The following FBXO31 variants were observed in gnomAD, a reference collection of about 807,000 sequenced individuals.
The protein encoded by FBXO31 is F-box only protein 31.
FBXO31 carries 24 observed loss-of-function variants against 54.4 expected under a neutral mutation model. The ratio of observed to expected loss-of-function variants is 0.44; its 90% CI spans 0.32 to 0.62. FBXO31 has a LOEUF of 0.62. Among genes scored for constraint, FBXO31 ranks in the 20% least tolerant of loss-of-function variants. The pLI is 0.05. For missense variants in FBXO31, 665 were observed against 787.1 expected (o/e 0.84, Z 1.86); for synonymous variants, 388 against 335.6 (o/e 1.16, Z -1.71).
intron 1 of FBXO31, among the ~76,000 whole-genome samples, chr16:87,376,081 C>T (rs920690044): frequency 1.3e-5 from 2 of 152,080 alleles, no homozygotes; most frequent in African/African-American, 4.8e-5. Flanking sequence ...AGTGTATTCC[C>T]CCTGCCCTCC....
intron 1 of FBXO31, among the ~76,000 whole-genome samples, chr16:87,365,037 A>ATATATATATCTATCTATC (rs1489132121): frequency 9.4e-6 from 1 of 106,888 alleles, no homozygotes; most frequent in African/African-American, 3.5e-5. Flanking sequence ...ATATATATAT[A>ATATATATATCTATCTATC]TATCAGGCAG....
intron 1 of FBXO31, among the ~76,000 whole-genome samples, chr16:87,361,429 T>C (rs889358549): frequency 6.6e-6 from 1 of 152,012 alleles, no homozygotes; most frequent in African/African-American, 2.4e-5. Flanking sequence ...GGTCTCCACA[T>C]GGACCACTGC....
upstream of FBXO31, among the ~76,000 whole-genome samples, chr16:87,390,766 T>C (rs1161835656): frequency 1.3e-5 from 2 of 152,092 alleles, no homozygotes. Context: ...ATACTTTTTT[T>C]CTTCTTTTTT....
intron 1 of FBXO31, among the ~76,000 whole-genome samples, chr16:87,382,537 CAA>C (rs1907124769): frequency 6.6e-6 from 1 of 152,186 alleles, no homozygotes; most frequent in African/African-American, 2.4e-5. Context: ...TTGCTGAAGG[CAA>C]AAGTCCAGCC....
At chr16:87,373,461 A>T (rs1906688206) in intron 1 of FBXO31, among the ~76,000 whole-genome samples, 1 of 152,124 alleles carries the variant, frequency 6.6e-6, no homozygotes, top group Non-Finnish European at 1.5e-5. Context: ...CAAAAAAAAT[A>T]ATTATATATA....
upstream of FBXO31, chr16:87,384,322 C>A (rs1463950733): frequency 6.6e-6 from 1 of 152,214 alleles, no homozygotes; most frequent in Non-Finnish European, 1.5e-5. Context: ...CTTATGGTAA[C>A]CAAAAGGCCC....
chr16:87,377,460 G>C (rs1306943941), intron 1 of FBXO31, among the ~76,000 whole-genome samples: 1 of 152,030 alleles, frequency 6.6e-6, no homozygotes, highest in African/African-American at 2.4e-5. Context: ...AAAAAAGTTG[G>C]AAATTTTGCC....
At chr16:87,389,931 A>C (rs1907463185), upstream of FBXO31, 2 of 152,220 alleles carry the variant, frequency 1.3e-5, no homozygotes, top group African/African-American at 4.8e-5. Flanking sequence ...GAACTATGAC[A>C]AAAAAATCAG....
upstream of FBXO31, among the ~76,000 whole-genome samples, chr16:87,390,449 T>C (rs1252060872): frequency 2.0e-5 from 3 of 149,806 alleles, no homozygotes; most frequent in Admixed American, 6.7e-5. Flanking sequence ...TTTTCTTTCT[T>C]TTTTTTTTTG....
At chr16:87,348,543 G>A (rs1274953795) in intron 2 of FBXO31, among the ~76,000 whole-genome samples, 1 of 152,148 alleles carries the variant, frequency 6.6e-6, no homozygotes, top group Non-Finnish European at 1.5e-5. Context: ...GGGGTGACCG[G>A]GTAGAGACTA....
At chr16:87,349,973 G>T (rs1320452426) in intron 2 of FBXO31, among the ~76,000 whole-genome samples, 1 of 151,758 alleles carries the variant, frequency 6.6e-6, no homozygotes, top group Non-Finnish European at 1.5e-5. Context: ...AGACAATTTA[G>T]AAAAAGGAAA....
chr16:87,382,651 A>T (rs1907131010), intron 1 of FBXO31, among the ~76,000 whole-genome samples: 1 of 152,204 alleles, frequency 6.6e-6, no homozygotes, highest in African/African-American at 2.4e-5. Flanking sequence ...CTGTTGTTTG[A>T]GACCAAGTCG....
At chr16:87,357,580 G>A (rs183788861) in intron 2 of FBXO31, among the ~76,000 whole-genome samples, 24 of 151,916 alleles carry the variant, frequency 1.6e-4, no homozygotes, top group Admixed American at 5.9e-4. Context: ...CACCTGCCTC[G>A]GCCTCCCAAA....
chr16:87,347,681 A>G (rs1905452922), intron 2 of FBXO31, among the ~76,000 whole-genome samples: 1 of 88,052 alleles, frequency 1.1e-5, no homozygotes, highest in Admixed American at 1.2e-4. Context: ...CTCAGTCTCC[A>G]AAAAAAAAAA....
intron 1 of FBXO31, among the ~76,000 whole-genome samples, chr16:87,376,277 T>C (rs75769125): frequency 2.8e-5 from 4 of 142,174 alleles, no homozygotes; most frequent in Non-Finnish European, 6.1e-5. Context: ...TTTTTCTTTC[T>C]TTTTTTTTTT....
upstream of FBXO31, among the ~76,000 whole-genome samples, chr16:87,384,700 G>C (rs1425577928): frequency 6.6e-6 from 1 of 152,216 alleles, no homozygotes; most frequent in East Asian, 1.9e-4. Flanking sequence ...AGGAGCTCGA[G>C]ACCGGCCTGG....
At chr16:87,339,599 C>T (rs1042847554) in intron 5 of FBXO31, among the ~76,000 whole-genome samples, 4 of 152,200 alleles carry the variant, frequency 2.6e-5, no homozygotes, top group African/African-American at 7.2e-5. Flanking sequence ...CACCCTCACC[C>T]TGTCAACTCC....
chr16:87,339,729 G>A (rs1206560549), intron 5 of FBXO31, among the ~76,000 whole-genome samples: 3 of 152,244 alleles, frequency 2.0e-5, no homozygotes, highest in Non-Finnish European at 4.4e-5. Context: ...CCAATTGCAA[G>A]AAGAGACAGC....
upstream of FBXO31, among the ~76,000 whole-genome samples, chr16:87,384,432 C>G (rs536176185): frequency 0.016 from 2,447 of 152,266 alleles, 28 homozygotes; most frequent in Middle Eastern, 0.051. Context: ...CCCAAGAGAT[C>G]CGGGGATGCG....
Sources: gnomAD v4.1 joint callset for allele counts (sites outside exome capture counted in the v4.1 genomes callset) on GRCh38, gnomAD v4.1.1 for gene constraint, MANE v1.5 for transcripts, NCBI Gene and HGNC (gene_info 2026-07-23, HGNC 2026-07-21) for gene names.